Variants in SEMA6D observed in about 807,000 individuals in gnomAD.
The protein encoded by SEMA6D is semaphorin-6D.
A neutral mutation model predicts 106.6 loss-of-function variants in SEMA6D; 35 were observed. The observed-to-expected ratio is 0.33, with a 90% CI of 0.25 to 0.44. SEMA6D has a LOEUF of 0.44. SEMA6D is among the 20% of genes least tolerant of loss of function. The pLI is 1.00. For missense variants in SEMA6D, 1,185 were observed against 1,345.9 expected (o/e 0.88, Z 1.87); for synonymous variants, 499 against 487.7 (o/e 1.02, Z -0.31).
chr15:47,543,071 G>A (rs868365651), intron 3 of SEMA6D, among the ~76,000 whole-genome samples: 2 of 152,124 alleles, frequency 1.3e-5, no homozygotes, highest in South Asian at 2.1e-4. Flanking sequence ...CTGAGGGCAG[G>A]GGTAGGACAC....
chr15:47,485,429 A>G (rs765417902), intron 3 of SEMA6D, among the ~76,000 whole-genome samples: 10 of 152,116 alleles, frequency 6.6e-5, no homozygotes, highest in Non-Finnish European at 1.2e-4. Flanking sequence ...ACCCACCCCC[A>G]TTCAAAAAAA....
intron 4 of SEMA6D, among the ~76,000 whole-genome samples, chr15:47,678,505 A>G (rs976867224): frequency 1.3e-5 from 2 of 152,158 alleles, no homozygotes; most frequent in Non-Finnish European, 2.9e-5. Flanking sequence ...CAACACTATG[A>G]TACTTCTAAA....
chr15:47,595,647 T>TGA (rs1474447228), intron 3 of SEMA6D, among the ~76,000 whole-genome samples: 13 of 152,314 alleles, frequency 8.5e-5, no homozygotes, highest in African/African-American at 3.1e-4. Context: ...AGGGAGCACT[T>TGA]GAGAAAAATT....
At chr15:47,746,071 A>T (rs867439445) in intron 1 of SEMA6D, among the ~76,000 whole-genome samples, 33 of 152,326 alleles carry the variant, frequency 2.2e-4, no homozygotes, top group South Asian at 4.1e-4. Flanking sequence ...CTGTATTTTC[A>T]AATACAGAAG....
intron 1 of SEMA6D, among the ~76,000 whole-genome samples, chr15:47,294,286 C>T (rs1474835061): frequency 6.6e-6 from 1 of 151,780 alleles, no homozygotes; most frequent in Admixed American, 6.6e-5. Context: ...TGCAGTGGTG[C>T]AATCTCAGCT....
intron 1 of SEMA6D, among the ~76,000 whole-genome samples, chr15:47,375,643 C>G (rs964300733): frequency 6.6e-6 from 1 of 152,120 alleles, no homozygotes; most frequent in South Asian, 2.1e-4. Context: ...GCAAAAAATT[C>G]ATCTATTGAC....
intron 4 of SEMA6D, among the ~76,000 whole-genome samples, chr15:47,689,434 G>T (rs1301854021): frequency 6.6e-6 from 1 of 152,206 alleles, no homozygotes; most frequent in African/African-American, 2.4e-5. Context: ...GCAATATCCA[G>T]ATAACTTTGT....
chr15:47,327,629 T>G (rs970422831), intron 1 of SEMA6D, among the ~76,000 whole-genome samples: 10 of 152,162 alleles, frequency 6.6e-5, no homozygotes, highest in African/African-American at 2.2e-4. Context: ...AAGGTAAATA[T>G]TAGATGGTAT....
At position 47,308,806 on chromosome 15, in the gene SEMA6D, G is replaced by A. The variant is rs75896319; in HGVS notation, c.-238-103587G>A. 1.8e-4 allele frequency among the ~76,000 whole-genome samples: 28 copies of A among 152,272 alleles called. 1 individual carries two copies. The East Asian group carries it at 5.4e-3, about 29-fold the overall frequency. ...ATGAGTGCTAACTCATCTCTCTTAG[G>A]TTGGAACTATTTTGGACAGTAGCTA... is the stretch of plus-strand genomic sequence containing the variant. On this transcript the variant is annotated intron_variant, in intron 1 of 19. Coordinates refer to the SEMA6D transcript ENST00000558014.
intron 1 of SEMA6D, among the ~76,000 whole-genome samples, chr15:47,384,814 GTTTTTTTTTTTTTTT>G (rs1168068495): frequency 2.9e-4 from 19 of 65,696 alleles, no homozygotes; most frequent in South Asian, 8.9e-4. Flanking sequence ...GATTACTAAA[GTTTTTTTTTTTTTTT>G]TTTTTTTTTT....
chr15:47,413,775 A>G (rs2140319838), intron 2 of SEMA6D, among the ~76,000 whole-genome samples: 1 of 152,282 alleles, frequency 6.6e-6, no homozygotes, highest in African/African-American at 2.4e-5. Flanking sequence ...GAGCCACTGC[A>G]TTCGGCCACT....
intron 4 of SEMA6D, among the ~76,000 whole-genome samples, chr15:47,613,259 ATT>A (rs2143936019): frequency 6.6e-6 from 1 of 152,246 alleles, no homozygotes; most frequent in South Asian, 2.1e-4. Context: ...TTTGAGCCTC[ATT>A]TATTCATTCA....
rs959667016 is a variant in SEMA6D, at chr15:47,768,599, C to T, written c.1784C>T (p.Ser595Phe). Residue 595 changes from serine (S) to phenylalanine (F), a missense_variant, in exon 18 of 19, where the codon TCT (serine) becomes TTT (phenylalanine). Physicochemically the swap from Ser to Phe is radical, Grantham distance 155 (BLOSUM62 -2). Around this residue, in one of 3 missense-constraint regions of SEMA6D, gnomAD observed 750 missense variants for 783.5 expected, o/e 0.96. Transcript: ENST00000536845. The stretch of plus-strand genomic sequence containing the variant: ...ACCACAGACATGGAGGTATCTTCAT[C>T]TTCTGTTACCACAATGGCAAGTATC... ...GPTSDMEVSS[S>F]SVTTMASIPE... is the part of the protein sequence containing the mutation. 6 of 1,611,694 alleles carry T rather than the reference C, an allele frequency of 3.7e-6. No individual in the cohort carries two copies. The African/African-American group carries it at 6.7e-5, about 18-fold the overall frequency.
At chr15:47,194,074 G>T (rs966644347) in intron 1 of SEMA6D, among the ~76,000 whole-genome samples, 10 of 151,400 alleles carry the variant, frequency 6.6e-5, no homozygotes, top group Non-Finnish European at 1.5e-4. Context: ...TGGATGGATG[G>T]ATGGGTGGAT....
chr15:47,478,620 A>G (rs1012797503), intron 3 of SEMA6D, among the ~76,000 whole-genome samples: 1 of 152,152 alleles, frequency 6.6e-6, no homozygotes, highest in Non-Finnish European at 1.5e-5. Context: ...GAAGGAAGGG[A>G]GCTGGAACCA....
chr15:47,446,437 T>C (rs1212493630), intron 2 of SEMA6D, among the ~76,000 whole-genome samples: 2 of 152,136 alleles, frequency 1.3e-5, no homozygotes, highest in Non-Finnish European at 2.9e-5. Context: ...GCATACACTA[T>C]ATAGAGAAAT....
chr15:47,627,780 A>G (rs958225829), intron 4 of SEMA6D, among the ~76,000 whole-genome samples: 2 of 152,106 alleles, frequency 1.3e-5, no homozygotes, highest in Non-Finnish European at 2.9e-5. Flanking sequence ...TGCTGTCAAG[A>G]TAAGAGTATA....
At chr15:47,686,858 G>A (rs1373558436) in intron 4 of SEMA6D, among the ~76,000 whole-genome samples, 3 of 152,054 alleles carry the variant, frequency 2.0e-5, no homozygotes, top group African/African-American at 7.2e-5. Flanking sequence ...TTGAGGATGG[G>A]AGTTCAAGAC....
chr15:47,525,482 C>T (rs1354958063), intron 3 of SEMA6D: 1 of 152,202 alleles, frequency 6.6e-6, no homozygotes, highest in Non-Finnish European at 1.5e-5. Context: ...AAGAAGTCCT[C>T]CTTTTCCTTC....
Sources: gnomAD v4.1 joint callset for allele counts (sites outside exome capture counted in the v4.1 genomes callset) on GRCh38, gnomAD v4.1.1 for gene constraint, gnomAD v4.1.1 regional missense constraint, MANE v1.5 for transcripts, NCBI Gene and HGNC (gene_info 2026-07-23, HGNC 2026-07-21) for gene names.